Variants in VAV2 observed in about 807,000 individuals in gnomAD.
The protein encoded by VAV2 is vav guanine nucleotide exchange factor 2.
Under a neutral mutation model 132.5 loss-of-function variants are expected in VAV2, and 67 were observed. The observed-to-expected ratio is 0.51, with a 90% CI of 0.42 to 0.62. The LOEUF is 0.62. Ranked by LOEUF, VAV2 falls within the 20% of genes least tolerant of loss-of-function variation. The probability of loss-of-function intolerance (pLI) is 0.00; values close to 1 mark genes in which losing one functional copy is unlikely to be tolerated. For synonymous variants in VAV2, 492 were observed against 443.5 expected (o/e 1.11, Z -1.37); for missense variants, 938 against 1,153.6 (o/e 0.81, Z 2.71).
rs1225910110 is a variant in VAV2, at chr9:133,833,136, T to C, written c.449+1136A>G. The stretch of plus-strand genomic sequence containing the variant: ...CCAGCTGGTGGGTGAGGAATTTCTT[T>C]CACAGAAGTGCATGAGACTGGGCCG... On this transcript the variant is annotated intron_variant, in intron 4 of 29. Coordinates refer to ENST00000371850, the MANE Select transcript of VAV2 (RefSeq NM_001134398.2). The surrounding 1 kb of genome is among the most constrained non-coding windows in gnomAD (Gnocchi z 5.6). Among the ~76,000 whole-genome samples the C allele has an allele frequency of 6.6e-6, 1 of 152,196 alleles. No homozygotes were observed. The highest frequency in any genetic ancestry group is 1.5e-5 in the Non-Finnish European group (1 of 68,028).
At position 133,770,369 on chromosome 9, in the gene VAV2, G is replaced by C; in HGVS notation, c.2347+9C>G. 6.2e-7 allele frequency: 1 copy of C among 1,613,870 alleles called. No homozygotes were observed. The highest frequency in any genetic ancestry group is 8.5e-7 in the Non-Finnish European group (1 of 1,179,862). ...GAGTGCTGGTGTGCCGGCTGGGCCG[G>C]GGCGTTACCTGGGGACCGGCTGGAG... On this transcript the variant is annotated intron_variant, in intron 27 of 29. Transcript: ENST00000371850.
rs755632731 is a variant in VAV2 at position 133,992,320 on chromosome 9, A to G, written c.-42T>C. The G allele has an allele frequency of 1.4e-5, 18 of 1,276,644 alleles. No individual in the cohort carries two copies. The highest frequency in any genetic ancestry group is 1.4e-4 in the African/African-American group (9 of 64,444). The allele number at this position is 1,276,644 out of a possible 1,614,324, so 79.1% of individuals were successfully genotyped here. A position where few individuals can be genotyped will look rare whatever the true frequency, so the allele number is the denominator to read the frequency against. On this transcript the variant is annotated 5_prime_UTR_variant, in exon 1 of 30. Coordinates refer to ENST00000371850, the MANE Select transcript of VAV2 (RefSeq NM_001134398.2). This position sits in a 1 kb window ranked among gnomAD's most constrained non-coding sequence, Gnocchi z 5.5. ...ACCGGCTCAGGGCAGTGCTCGAGCCAAAGTGCAGCGGCCGCGGGGCATCCC... is the reference window on the plus strand; with the variant it reads ...ACCGGCTCAGGGCAGTGCTCGAGCCGAAGTGCAGCGGCCGCGGGGCATCCC...
In VAV2 at chr9:133,939,202, G is replaced by A. The variant is rs747467528; in HGVS notation, c.222C>T (p.Asn74=). ...GGCAGACTTTCAGGAAGGTGCGTAT[G>A]TTCTTCAAACACAGAAACTAAAGGG... ...PQMSQFLCLK[N]IRTFLKVCHD... The change falls in exon 2 of 30, where the codon AAC becomes AAT. Residue 74 remains asparagine, a synonymous_variant. Coordinates refer to ENST00000371850, the MANE Select transcript of VAV2 (RefSeq NM_001134398.2). 5 of 1,614,252 alleles carry A rather than the reference G, an allele frequency of 3.1e-6. No homozygotes were observed. The South Asian group carries it at 5.5e-5, about 18-fold the overall frequency.
intron 8 of VAV2, 145 bp downstream of exon 8, chr9:133,807,113 G>A: frequency 2.3e-6 from 2 of 887,432 alleles, no homozygotes; most frequent in South Asian, 4.2e-5. Context: ...GAGAGCGGTG[G>A]GGGCTCCTCC....
At position 133,916,247 on chromosome 9, in the gene VAV2, C is replaced by A. The variant is rs935552892; in HGVS notation, c.321+22856G>T. Among the ~76,000 whole-genome samples the A allele has an allele frequency of 2.6e-5, 4 of 152,362 alleles. No homozygotes were observed. In the South Asian group the frequency reaches 6.2e-4, roughly 24 times the overall value. ...CTCCATGGAGGAGGCGGACAGGCAACACCGAGCTGGGCTTGGTCCCACTCG... is the reference window on the plus strand; with the variant it reads ...CTCCATGGAGGAGGCGGACAGGCAAAACCGAGCTGGGCTTGGTCCCACTCG... On this transcript the variant is annotated intron_variant, in intron 2 of 29. Transcript: ENST00000371850.
In VAV2 at chr9:133,823,557, A is replaced by G. The variant is rs754225682; in HGVS notation, c.449+10715T>C. Among the ~76,000 whole-genome samples, 1 of 152,200 alleles carries G rather than the reference A, an allele frequency of 6.6e-6. No homozygotes were observed. The highest frequency in any genetic ancestry group is 1.5e-5 in the Non-Finnish European group (1 of 68,034). ...TACAAGGGAAATAACGTCAAAAGGG[A>G]GAAGTCTTCCTCTTCCTGGAGTTCC... is the stretch of plus-strand genomic sequence containing the variant. On this transcript the variant is annotated intron_variant, in intron 4 of 29. Transcript: ENST00000371850. The surrounding 1 kb of genome is among the most constrained non-coding windows in gnomAD (Gnocchi z 5.5).
chr9:133,766,024 AC>A (rs1459981218), intron 29 of VAV2, among the ~76,000 whole-genome samples: 1 of 152,240 alleles, frequency 6.6e-6, no homozygotes, highest in East Asian at 1.9e-4. Context: ...TTCAAAAGAA[AC>A]TGAGAATTCA....
chr9:133,889,670 C>T (rs1838851467), intron 2 of VAV2, among the ~76,000 whole-genome samples: 2 of 152,284 alleles, frequency 1.3e-5, no homozygotes, highest in South Asian at 4.1e-4. Flanking sequence ...TCCTCAGCGA[C>T]CGAGTGCGTC....
Position 133,900,411 on chromosome 9 carries a change from C to G in VAV2, c.321+38692G>C, listed in dbSNP as rs79054434. 2.4e-3 allele frequency among the ~76,000 whole-genome samples: 370 copies of G among 152,238 alleles called. 1 individual carries two copies. The highest frequency in any genetic ancestry group is 8.5e-3 in the African/African-American group (352 of 41,558). On this transcript the variant is annotated intron_variant, in intron 2 of 29. Coordinates refer to ENST00000371850, the MANE Select transcript of VAV2 (RefSeq NM_001134398.2). ...TCTTCCCCCAAGCAGGTCTTAGAAA[C>G]CAGAACCCCTTTCCCCTAAAGCCAG...
chr9:133,916,302 T>G (rs951284401), intron 2 of VAV2, among the ~76,000 whole-genome samples: 3 of 151,702 alleles, frequency 2.0e-5, no homozygotes, highest in Non-Finnish European at 4.4e-5. Flanking sequence ...CAAGATGAAT[T>G]GCCCGCGGAG....
At chr9:133,954,216 G>C (rs371626812) in intron 1 of VAV2, among the ~76,000 whole-genome samples, 15 of 152,324 alleles carry the variant, frequency 9.8e-5, no homozygotes, top group African/African-American at 3.6e-4. Flanking sequence ...GTCATTTCCA[G>C]GGATTTCTGA....
At chr9:133,951,954 T>C (rs1389235733) in intron 1 of VAV2, among the ~76,000 whole-genome samples, 1 of 152,094 alleles carries the variant, frequency 6.6e-6, no homozygotes, top group Non-Finnish European at 1.5e-5. Context: ...GTGGTCAGGT[T>C]CCAGTGGCTT....
intron 1 of VAV2, among the ~76,000 whole-genome samples, chr9:133,947,566 G>A (rs917943804): frequency 2.6e-5 from 4 of 151,936 alleles, no homozygotes; most frequent in Admixed American, 6.6e-5. Context: ...AGGCGTGGTG[G>A]CGCATGCCTG....
At chr9:133,838,323 T>C (rs1208519152) in intron 3 of VAV2, among the ~76,000 whole-genome samples, 1 of 151,438 alleles carries the variant, frequency 6.6e-6, no homozygotes, top group Admixed American at 6.6e-5. Flanking sequence ...GCACAGTGCC[T>C]GGCGCTAGAA....
intron 17 of VAV2, 64 bp from the exon 18 acceptor site, chr9:133,784,482 C>T: frequency 6.3e-7 from 1 of 1,574,878 alleles, no homozygotes. Flanking sequence ...ACCATGTGGC[C>T]ATCCTGGGAA....
intron 2 of VAV2, among the ~76,000 whole-genome samples, chr9:133,911,290 T>C (rs1839876636): frequency 6.6e-6 from 1 of 152,190 alleles, no homozygotes; most frequent in African/African-American, 2.4e-5. Context: ...GAGAACTTTC[T>C]GTGAAGAGAG....
At chr9:133,880,020 G>C (rs1420624582) in intron 2 of VAV2, among the ~76,000 whole-genome samples, 1 of 152,240 alleles carries the variant, frequency 6.6e-6, no homozygotes, top group Non-Finnish European at 1.5e-5. Context: ...TCTAAACCAT[G>C]AGAGTGAGGA....
At chr9:133,853,943 A>C (rs1391014816) in intron 3 of VAV2, among the ~76,000 whole-genome samples, 1 of 152,156 alleles carries the variant, frequency 6.6e-6, no homozygotes, top group Non-Finnish European at 1.5e-5. Context: ...GGGATACAGA[A>C]TGAGCAAGAT....
At chr9:133,972,622 C>T (rs1842375524) in intron 1 of VAV2, among the ~76,000 whole-genome samples, 1 of 152,252 alleles carries the variant, frequency 6.6e-6, no homozygotes, top group African/African-American at 2.4e-5. Flanking sequence ...GAGCATGGAG[C>T]ACAGACAGTC....
Sources: allele counts gnomAD v4.1 joint callset (sites outside exome capture counted in the v4.1 genomes callset), GRCh38; gene constraint gnomAD v4.1.1; non-coding constraint Gnocchi (gnomAD v3.1); transcripts MANE v1.5; gene names NCBI Gene and HGNC (gene_info 2026-07-23, HGNC 2026-07-21).